The following SHTN1 variants were observed in gnomAD, a reference collection of about 807,000 sequenced individuals.
SHTN1 encodes shootin-1.
In SHTN1, 42 loss-of-function variants were observed where a neutral mutation model predicts 83.1. The observed-to-expected ratio is 0.51, with a 90% confidence interval of 0.39 to 0.65. The LOEUF (loss-of-function observed/expected upper bound fraction) is 0.65. Ranked by LOEUF, SHTN1 falls within the 30% of genes least tolerant of loss-of-function variation. The probability of loss-of-function intolerance (pLI) is 0.00; values close to 1 mark genes in which losing one functional copy is unlikely to be tolerated. For missense variants in SHTN1, 622 were observed against 737.8 expected, an observed-to-expected ratio of 0.84 and a Z score of 1.82; for synonymous variants, 224 against 247.7, an observed-to-expected ratio of 0.90 and a Z score of 0.90.
chr10:116,985,631 A>G (rs765733692), intron 1 of SHTN1, among the ~76,000 whole-genome samples: 1 of 152,230 alleles, frequency 6.6e-6, no homozygotes, highest in African/African-American at 2.4e-5. Flanking sequence ...CTTATACATC[A>G]TATATTGTAT....
chr10:116,944,915 G>A lies in SHTN1; in HGVS notation c.711+9C>T. The A allele has an allele frequency of 6.4e-7, 1 of 1,569,292 alleles. No homozygotes were observed. The highest frequency in any genetic ancestry group is 8.8e-7 in the Non-Finnish European group (1 of 1,139,932). On this transcript the variant is annotated intron_variant, in intron 8 of 16. Transcript: ENST00000355371. ...AAGAAAAAAAATAAGATTTTTACAA[G>A]ATACCCACCTCTTGTGCAAATGACT...
intron 2 of SHTN1, among the ~76,000 whole-genome samples, chr10:116,978,173 T>G (rs1850878096): frequency 6.6e-6 from 1 of 152,184 alleles, no homozygotes; most frequent in African/African-American, 2.4e-5. Context: ...TTACCATTAA[T>G]ATCACCATCC....
chr10:116,907,140 A>T (rs543317627), intron 14 of SHTN1, among the ~76,000 whole-genome samples: 9 of 152,320 alleles, frequency 5.9e-5, no homozygotes, highest in Middle Eastern at 6.8e-3. Context: ...GGCAGCCACA[A>T]GCTACTAAAC....
chr10:116,987,263 G>A (rs1851251723), intron 1 of SHTN1, among the ~76,000 whole-genome samples: 1 of 152,092 alleles, frequency 6.6e-6, no homozygotes, highest in East Asian at 1.9e-4. Flanking sequence ...GTCACTAAGA[G>A]CTAATGATAA....
At chr10:116,989,092 A>T (rs1334714401) in intron 1 of SHTN1, among the ~76,000 whole-genome samples, 2 of 152,228 alleles carry the variant, frequency 1.3e-5, no homozygotes, top group African/African-American at 4.8e-5. Flanking sequence ...TATTTTTAAA[A>T]TGAACTTTTC....
intron 1 of SHTN1, among the ~76,000 whole-genome samples, chr10:116,983,838 G>A (rs370453546): frequency 6.6e-4 from 100 of 152,218 alleles, no homozygotes; most frequent in African/African-American, 2.2e-3. Flanking sequence ...TAGAATGGAA[G>A]AAAAAGGAAG....
At chr10:117,005,525 A>T (rs1462476650), upstream of SHTN1, 1 of 996,778 alleles carries the variant, frequency 1.0e-6, no homozygotes, top group Non-Finnish European at 1.2e-6. Flanking sequence ...TCCACTTTGG[A>T]CGCTTCCCGG....
intron 9 of SHTN1, among the ~76,000 whole-genome samples, chr10:116,934,142 T>C (rs369961855): frequency 5.3e-5 from 8 of 152,348 alleles, no homozygotes; most frequent in African/African-American, 1.9e-4. Context: ...TAGTTTCTTT[T>C]GCTGTGCATA....
chr10:116,909,387 A>G (rs1848101430), intron 14 of SHTN1, among the ~76,000 whole-genome samples: 1 of 152,178 alleles, frequency 6.6e-6, no homozygotes. Context: ...CCATAATACA[A>G]TTTTTTAAAA....
intron 1 of SHTN1, among the ~76,000 whole-genome samples, chr10:117,113,449 G>A (rs1459148555): frequency 6.6e-6 from 1 of 152,192 alleles, no homozygotes; most frequent in Non-Finnish European, 1.5e-5. Flanking sequence ...AAGCAGGCTG[G>A]AGCAATACTG....
intron 14 of SHTN1, among the ~76,000 whole-genome samples, chr10:116,907,047 C>A (rs182719108): frequency 6.6e-6 from 1 of 152,042 alleles, no homozygotes; most frequent in Non-Finnish European, 1.5e-5. Context: ...ACCTGCATAG[C>A]GACGATTAAG....
chr10:116,929,795 A>G, intron 10 of SHTN1, 54 bp downstream of exon 10: 2 of 1,266,470 alleles, frequency 1.6e-6, no homozygotes, highest in Non-Finnish European at 2.2e-6. Flanking sequence ...TGTACTAGGC[A>G]TGAGTAATTC....
chr10:116,923,647 C>T (rs56000111), intron 11 of SHTN1, among the ~76,000 whole-genome samples: 8,746 of 152,070 alleles, frequency 0.058, 820 homozygotes, highest in African/African-American at 0.19. Flanking sequence ...CTCCGATCTC[C>T]TGCACTCAAC....
At chr10:117,074,961 C>T (rs758866758) in intron 1 of SHTN1, among the ~76,000 whole-genome samples, 1 of 151,590 alleles carries the variant, frequency 6.6e-6, no homozygotes, top group Non-Finnish European at 1.5e-5. Context: ...TCAGGACATT[C>T]AGGGAATTTA....
chr10:116,991,642 A>G (rs888646017), intron 1 of SHTN1, among the ~76,000 whole-genome samples: 5 of 152,262 alleles, frequency 3.3e-5, no homozygotes, highest in African/African-American at 1.2e-4. Flanking sequence ...TACTAGGAGG[A>G]CAAAAGCACC....
intron 15 of SHTN1, among the ~76,000 whole-genome samples, chr10:116,904,960 G>T (rs1004730737): frequency 6.6e-6 from 1 of 151,878 alleles, no homozygotes; most frequent in African/African-American, 2.4e-5. Context: ...CCAGCACTTT[G>T]GGAGGCCGAG....
At chr10:117,124,828 TGAAAG>T (rs1251252283) in intron 1 of SHTN1, among the ~76,000 whole-genome samples, 1 of 152,162 alleles carries the variant, frequency 6.6e-6, no homozygotes, top group East Asian at 1.9e-4. Flanking sequence ...GGATTCTGAC[TGAAAG>T]AAGTTATTTG....
chr10:116,905,191 A>G lies in SHTN1; in HGVS notation c.1480+1436T>C, dbSNP rs1286099858. ...CAGTCCGCAGTCCAGCCTGGGCGAC[A>G]GAGCGAGACTCCGTCTCAAAAAAAA... On this transcript the variant is annotated intron_variant, in intron 15 of 16. Transcript: ENST00000355371. 2.7e-5 allele frequency among the ~76,000 whole-genome samples: 4 copies of G among 147,712 alleles called. No homozygotes were observed. The East Asian group carries it at 8.0e-4, about 30-fold the overall frequency.
In SHTN1 at chr10:117,121,175, TA is replaced by T. The variant is rs1312676496; in HGVS notation, c.-189+5131del. Among the ~76,000 whole-genome samples the T allele has an allele frequency of 2.6e-5, 4 of 152,266 alleles. No homozygotes were observed. In the South Asian group the frequency reaches 8.3e-4, roughly 32 times the overall value. ...AAACTATGTATCTATTATGCATCGATAAAAAAATTGTTTAAAAAAGATATTA... is the reference window on the plus strand; with the variant it reads ...AAACTATGTATCTATTATGCATCGATAAAAAATTGTTTAAAAAAGATATTA... On this transcript the variant is annotated intron_variant, in intron 1 of 17. Coordinates refer to the SHTN1 transcript ENST00000392901.
Sources: gnomAD v4.1 joint callset for allele counts (sites outside exome capture counted in the v4.1 genomes callset) on GRCh38, gnomAD v4.1.1 for gene constraint, MANE v1.5 for transcripts, NCBI Gene and HGNC (gene_info 2026-07-23, HGNC 2026-07-21) for gene names.